Variants in SND1 observed in about 807,000 individuals in gnomAD.
SND1 encodes the protein staphylococcal nuclease and tudor domain containing 1.
Under a neutral mutation model 121.7 loss-of-function variants are expected in SND1, and 38 were observed. The observed-to-expected ratio is 0.31, with a 90% CI of 0.24 to 0.41. The LOEUF is 0.41. Among genes scored for constraint, SND1 ranks in the 10% least tolerant of loss-of-function variants. The pLI is 1.00. For missense variants in SND1, 868 were observed against 1,184.6 expected, an observed-to-expected ratio of 0.73 and a Z score of 3.92; for synonymous variants, 401 against 447.4, an observed-to-expected ratio of 0.90 and a Z score of 1.31.
intron 16 of SND1, among the ~76,000 whole-genome samples, chr7:128,034,710 T>C (rs1792715888): frequency 6.6e-6 from 1 of 152,174 alleles, no homozygotes; most frequent in Admixed American, 6.5e-5. Context: ...ATGCCCAAGC[T>C]CTGTCGAGCT....
At chr7:128,063,349 C>T (rs1055264842) in intron 16 of SND1, among the ~76,000 whole-genome samples, 16 of 152,200 alleles carry the variant, frequency 1.1e-4, no homozygotes, top group Admixed American at 8.5e-4. Flanking sequence ...CTGTTCATGG[C>T]GTCTGGGCTG....
rs150520332 is a variant in SND1 at position 128,081,760 on chromosome 7, G to T, written c.2110+259G>T. The T allele has an allele frequency of 2.6e-3, 1,669 of 633,726 alleles. 8 individuals are homozygous for T. The highest frequency in any genetic ancestry group is 4.0e-3 in the Non-Finnish European group (1,312 of 327,958). 39.3% of individuals were successfully genotyped at this position (633,726 alleles called of 1,614,324 possible). ...GTGCTGCCGGACAGGTCCTCTGGACGCAGGTGAGATAACCAGGTTTATCTG... is the reference window on the plus strand; with the variant it reads ...GTGCTGCCGGACAGGTCCTCTGGACTCAGGTGAGATAACCAGGTTTATCTG... On this transcript the variant is annotated intron_variant, in intron 18 of 23. Coordinates refer to ENST00000354725, the MANE Select transcript of SND1 (RefSeq NM_014390.4).
intron 11 of SND1, among the ~76,000 whole-genome samples, chr7:127,812,192 A>G (rs1191658995): frequency 6.6e-6 from 1 of 152,238 alleles, no homozygotes; most frequent in Non-Finnish European, 1.5e-5. Context: ...TCAGATATAG[A>G]CAGGGTCGTG....
chr7:127,994,205 T>A (rs1802583813), intron 16 of SND1, among the ~76,000 whole-genome samples: 1 of 152,174 alleles, frequency 6.6e-6, no homozygotes, highest in Non-Finnish European at 1.5e-5. Context: ...TTCCTTAAAT[T>A]TGTTTTACAC....
chr7:127,697,949 T>C (rs1796036070), intron 3 of SND1, among the ~76,000 whole-genome samples: 1 of 152,216 alleles, frequency 6.6e-6, no homozygotes, highest in South Asian at 2.1e-4. Context: ...TTTTATGTGA[T>C]TATTCCCTCA....
chr7:127,670,926 A>T (rs1369480573), intron 1 of SND1, among the ~76,000 whole-genome samples: 2 of 152,052 alleles, frequency 1.3e-5, no homozygotes, highest in Non-Finnish European at 2.9e-5. Context: ...AGTCTTTTTG[A>T]ACAGCACACT....
chr7:127,959,890 CTA>C (rs1316118534), intron 15 of SND1, among the ~76,000 whole-genome samples: 2 of 152,174 alleles, frequency 1.3e-5, no homozygotes, highest in African/African-American at 4.8e-5. Flanking sequence ...TGGTATTCCC[CTA>C]TGATATGGAA....
intron 16 of SND1, among the ~76,000 whole-genome samples, chr7:128,061,093 C>T (rs1318615152): frequency 6.6e-6 from 1 of 152,210 alleles, no homozygotes; most frequent in Non-Finnish European, 1.5e-5. Flanking sequence ...AGGGCAGAAT[C>T]AGGCTGGGCA....
intron 9 of SND1, among the ~76,000 whole-genome samples, chr7:127,714,279 T>C (rs1796348338): frequency 6.6e-6 from 1 of 152,214 alleles, no homozygotes; most frequent in Non-Finnish European, 1.5e-5. Flanking sequence ...TAGGGCTTTG[T>C]CTGGGAGCAG....
At chr7:127,870,422 T>C (rs1799562644) in intron 12 of SND1, among the ~76,000 whole-genome samples, 1 of 152,140 alleles carries the variant, frequency 6.6e-6, no homozygotes, top group Non-Finnish European at 1.5e-5. Context: ...TTCTGAGAAA[T>C]GTGTCCTTAG....
chr7:127,898,950 C>G (rs1033632759), intron 13 of SND1, among the ~76,000 whole-genome samples: 1 of 152,160 alleles, frequency 6.6e-6, no homozygotes, highest in Non-Finnish European at 1.5e-5. Context: ...GGAAAGCCAA[C>G]AAACCTCATT....
At chr7:127,855,982 TC>T (rs1370484964) in intron 12 of SND1, among the ~76,000 whole-genome samples, 2 of 152,208 alleles carry the variant, frequency 1.3e-5, no homozygotes, top group African/African-American at 4.8e-5. Context: ...ATTTTATTGT[TC>T]CATTGGAGGC....
intron 10 of SND1, among the ~76,000 whole-genome samples, chr7:127,756,756 A>C (rs1362002131): frequency 1.3e-5 from 2 of 152,206 alleles, no homozygotes; most frequent in African/African-American, 4.8e-5. Context: ...TCATTTCTTA[A>C]GAGGTAGAAT....
chr7:127,703,637 G>A (rs540202159), intron 7 of SND1, among the ~76,000 whole-genome samples: 180 of 152,244 alleles, frequency 1.2e-3, no homozygotes, highest in Non-Finnish European at 2.0e-3. Flanking sequence ...GCTTGAACCC[G>A]GGAGGCGGAG....
At chr7:127,657,232 G>A (rs971992302) in intron 1 of SND1, among the ~76,000 whole-genome samples, 8 of 152,170 alleles carry the variant, frequency 5.3e-5, no homozygotes, top group African/African-American at 9.7e-5. Context: ...GCTTATGGAG[G>A]AGTCAGACAA....
chr7:127,931,788 C>T (rs555683476), intron 15 of SND1, among the ~76,000 whole-genome samples: 1 of 152,346 alleles, frequency 6.6e-6, no homozygotes, highest in Non-Finnish European at 1.5e-5. Context: ...GCTAAATCTA[C>T]TCTGCCTGTG....
chr7:127,716,644 T>C (rs1252198027), intron 9 of SND1, among the ~76,000 whole-genome samples: 7 of 152,196 alleles, frequency 4.6e-5, no homozygotes, highest in Non-Finnish European at 1.0e-4. Context: ...GGAACAGTGA[T>C]AATTTTATTT....
intron 10 of SND1, among the ~76,000 whole-genome samples, chr7:127,787,912 G>T (rs961481405): frequency 2.6e-5 from 4 of 152,194 alleles, no homozygotes; most frequent in African/African-American, 9.7e-5. Flanking sequence ...TTTCTGAAGG[G>T]ATCTAACTTT....
At chr7:127,987,723 C>G (rs1802426908) in intron 15 of SND1, among the ~76,000 whole-genome samples, 1 of 152,158 alleles carries the variant, frequency 6.6e-6, no homozygotes. Context: ...ATTTGTCCCA[C>G]TAGAGGTTTT....
Sources: gnomAD v4.1 joint callset for allele counts (sites outside exome capture counted in the v4.1 genomes callset) on GRCh38, gnomAD v4.1.1 for gene constraint, MANE v1.5 for transcripts, NCBI Gene and HGNC (gene_info 2026-07-23, HGNC 2026-07-21) for gene names.